Variants in PIK3C2A observed in about 807,000 individuals in gnomAD.
The protein encoded by PIK3C2A is phosphatidylinositol 4-phosphate 3-kinase C2 domain-containing subunit alpha.
PIK3C2A carries 97 observed loss-of-function variants against 204.5 expected under a neutral mutation model. That is an observed-to-expected ratio of 0.47 (90% CI 0.40 to 0.56). The LOEUF (loss-of-function observed/expected upper bound fraction) is 0.56, where lower values mean the gene tolerates loss of function less well. Ranked by LOEUF, PIK3C2A falls within the 20% of genes least tolerant of loss-of-function variation. The probability of loss-of-function intolerance (pLI) is 0.00; values close to 1 mark genes in which losing one functional copy is unlikely to be tolerated. For synonymous variants in PIK3C2A, 653 were observed against 664.4 expected, an observed-to-expected ratio of 0.98 and a Z score of 0.26; for missense variants, 1,735 against 1,969.2, an observed-to-expected ratio of 0.88 and a Z score of 2.25.
Position 17,091,324 on chromosome 11 carries a change from T to G in PIK3C2A, c.4878+10A>C. The G allele has an allele frequency of 6.2e-7, 1 of 1,602,954 alleles. No homozygotes were observed. Among genetic ancestry groups the G allele is most frequent in the Non-Finnish European group, 8.5e-7 (1 of 1,175,892 alleles). On this transcript the variant is annotated intron_variant, in intron 32 of 32. Coordinates refer to ENST00000691414, the MANE Select transcript of PIK3C2A (RefSeq NM_002645.4). ...AACCAAGGAAACTTCTAGAAATGAT[T>G]TTAACTTACCATTTCATTGAATGTC... is the stretch of plus-strand genomic sequence containing the variant.
At chr11:17,143,965 ATCCAGGGGTGTGGTTTTGT>A (rs934859205) in intron 8 of PIK3C2A, among the ~76,000 whole-genome samples, 2 of 152,060 alleles carry the variant, frequency 1.3e-5, no homozygotes, top group African/African-American at 2.4e-5. Context: ...ACAACAAAAA[ATCCAGGGGTGTGGTTTTGT>A]TAATTTTTTT....
chr11:17,101,377 T>G lies in PIK3C2A; in HGVS notation c.3909A>C (p.Glu1303Asp). Reference sequence around the variant, plus strand: ...ACAACTGAAAACGAATGGTGGGCTTTTCACCCCCATTAATGACATATGCCA... The same window carrying G: ...ACAACTGAAAACGAATGGTGGGCTTGTCACCCCCATTAATGACATATGCCA... The part of the protein sequence containing the change: ...SDMAYVINGG[E>D]KPTIRFQLFV... The change falls in exon 25 of 33, where the codon GAA becomes GAC. Residue 1303 changes from glutamate (E) to aspartate (D), a missense_variant. Coordinates refer to ENST00000691414, the MANE Select transcript of PIK3C2A (RefSeq NM_002645.4). 6.3e-7 allele frequency: 1 copy of G among 1,596,178 alleles called. No individual in the cohort carries two copies. Among genetic ancestry groups the G allele is most frequent in the Non-Finnish European group, 8.6e-7 (1 of 1,166,160 alleles).
chr11:17,094,935 C>G (rs759609894), intron 27 of PIK3C2A, among the ~76,000 whole-genome samples: 2 of 152,056 alleles, frequency 1.3e-5, no homozygotes, highest in Non-Finnish European at 2.9e-5. Context: ...CATAACCATC[C>G]TAAGATAGAT....
In PIK3C2A at chr11:17,168,692, C is replaced by T. The variant is rs762342111; in HGVS notation, c.1050G>A (p.Gln350=). The change falls in exon 2 of 33, where the codon CAG becomes CAA. Residue 350 remains glutamine, a synonymous_variant. Transcript: ENST00000691414. ...NIRTTQLAKA[Q]GHISQKDPNG... ...AAGACTATACCTGAGATATATGGCC[C>T]TGGGCTTTTGCAAGCTGAGTTGTTC... 2 of 1,584,046 alleles carry T rather than the reference C, an allele frequency of 1.3e-6. No individual in the cohort carries two copies. Among genetic ancestry groups the T allele is most frequent in the Non-Finnish European group, 8.6e-7 (1 of 1,165,828 alleles).
rs1852647251 is a variant in PIK3C2A at position 17,207,851 on chromosome 11, A to T, written c.-69T>A. On this transcript the variant is annotated 5_prime_UTR_variant, in exon 1 of 33. It removes the in-frame stop codon of an upstream open reading frame in the 5' UTR. Coordinates refer to ENST00000691414, the MANE Select transcript of PIK3C2A (RefSeq NM_002645.4). ...AGCCGCACCGACCGCTCCTCACCTCAAGCTGCCTGAGCCTCCGCCTCTACC... is the reference window on the plus strand; with the variant it reads ...AGCCGCACCGACCGCTCCTCACCTCTAGCTGCCTGAGCCTCCGCCTCTACC... The T allele has an allele frequency of 6.5e-6, 1 of 152,988 alleles. No individual in the cohort carries two copies. The highest frequency in any genetic ancestry group is 2.1e-4 in the South Asian group (1 of 4,850). The allele number at this position is 152,988 out of a possible 1,614,324, so 9.5% of individuals were successfully genotyped here. A position where few individuals can be genotyped will look rare whatever the true frequency, so the allele number is the denominator to read the frequency against.
intron 18 of PIK3C2A, among the ~76,000 whole-genome samples, chr11:17,118,408 T>C (rs1231764335): frequency 6.6e-6 from 1 of 152,128 alleles, no homozygotes; most frequent in Admixed American, 6.5e-5. Context: ...TTTTAAGCTA[T>C]ATAAGCAAGT....
intron 27 of PIK3C2A, 48 bp downstream of exon 27, chr11:17,097,008 CA>C (rs749671722): frequency 2.7e-6 from 3 of 1,096,554 alleles, no homozygotes; most frequent in East Asian, 4.7e-5. Flanking sequence ...GTAGAAAGGA[CA>C]ACAATAATAC....
rs543691608 is a variant in PIK3C2A at position 17,087,865 on chromosome 11, C to T, written c.*1873G>A. The T allele has an allele frequency of 1.3e-5, 2 of 152,256 alleles. No homozygotes were observed. The highest frequency in any genetic ancestry group is 2.1e-4 in the South Asian group (1 of 4,826). 9.4% of individuals were successfully genotyped at this position (152,256 alleles called of 1,614,324 possible). On this transcript the variant is annotated 3_prime_UTR_variant, in exon 33 of 33. Coordinates refer to ENST00000691414, the MANE Select transcript of PIK3C2A (RefSeq NM_002645.4). ...AACATTTAAAAAAGACATTCATATACCATACTCATGGGTTTAACTACATAT... is the reference window on the plus strand; with the variant it reads ...AACATTTAAAAAAGACATTCATATATCATACTCATGGGTTTAACTACATAT...
chr11:17,124,533 T>A (rs145955714), intron 13 of PIK3C2A, among the ~76,000 whole-genome samples: 39 of 151,980 alleles, frequency 2.6e-4, no homozygotes, highest in African/African-American at 8.2e-4. Context: ...CATTTGGATG[T>A]CTTTTTAAGC....
rs949864622 is a variant in PIK3C2A, at chr11:17,088,043, T to C, written c.*1695A>G. Reference sequence around the variant, plus strand: ...AAAAATTCTGTTCTGGGAAACTGAATTGGCGATTGTCCTTTCTCTCTTGGT... The same window carrying C: ...AAAAATTCTGTTCTGGGAAACTGAACTGGCGATTGTCCTTTCTCTCTTGGT... On this transcript the variant is annotated 3_prime_UTR_variant, in exon 33 of 33. Transcript: ENST00000691414. The C allele has an allele frequency of 5.9e-5, 9 of 152,306 alleles. No homozygotes were observed. Among genetic ancestry groups the C allele is most frequent in the South Asian group, 2.1e-4 (1 of 4,824 alleles). 9.4% of individuals were successfully genotyped at this position (152,306 alleles called of 1,614,324 possible).
At chr11:17,112,694 A>G in intron 20 of PIK3C2A, 28 bp from the exon 21 acceptor site, 1 of 1,199,016 alleles carries the variant, frequency 8.3e-7, no homozygotes, top group Non-Finnish European at 1.2e-6. Flanking sequence ...TAAGCATTAG[A>G]AAGATAAATG....
intron 15 of PIK3C2A, among the ~76,000 whole-genome samples, chr11:17,121,739 T>G (rs1425375676): frequency 3.3e-5 from 5 of 152,148 alleles, no homozygotes; most frequent in Admixed American, 3.3e-4. Context: ...TCTTTTCAGA[T>G]TGTTTAAAAG....
intron 1 of PIK3C2A, among the ~76,000 whole-genome samples, chr11:17,203,495 A>C (rs1348873923): frequency 1.3e-5 from 2 of 152,318 alleles, no homozygotes; most frequent in East Asian, 3.9e-4. Context: ...CCTATGAACA[A>C]CCTGAAAGAT....
chr11:17,194,189 G>C (rs1852058046), intron 1 of PIK3C2A: 1 of 512,794 alleles, frequency 2.0e-6, no homozygotes, highest in African/African-American at 2.0e-5. Flanking sequence ...CAAGGGGCTT[G>C]GGTTGTGCCG....
intron 18 of PIK3C2A, 98 bp downstream of exon 18, chr11:17,118,547 C>G (rs1849276840): frequency 1.6e-6 from 1 of 627,912 alleles, no homozygotes; most frequent in South Asian, 2.2e-5. Context: ...CTTGTATCCA[C>G]AATAAGTAGT....
rs1158827602 is a variant in PIK3C2A, at chr11:17,088,559, G to T, written c.*1179C>A. ...GCCCGGCCGAATCTTATTCTTACTG[G>T]TTACTGTAGAATAATTTCAGTCCTG... is the stretch of plus-strand genomic sequence containing the variant. On this transcript the variant is annotated 3_prime_UTR_variant, in exon 33 of 33. Coordinates refer to ENST00000691414, the MANE Select transcript of PIK3C2A (RefSeq NM_002645.4). 1 of 152,120 alleles carries T rather than the reference G, an allele frequency of 6.6e-6. No homozygotes were observed. Among genetic ancestry groups the T allele is most frequent in the Admixed American group, 6.6e-5 (1 of 15,258 alleles). The allele number at this position is 152,120 out of a possible 1,614,324, so 9.4% of individuals were successfully genotyped here.
At chr11:17,145,395 T>A (rs571450267) in intron 8 of PIK3C2A, among the ~76,000 whole-genome samples, 10 of 152,180 alleles carry the variant, frequency 6.6e-5, no homozygotes, top group African/African-American at 2.4e-4. Context: ...TTTCATGAGA[T>A]CTGACGATTT....
rs1851050606 is a variant in PIK3C2A, at chr11:17,168,602, A to AACAAAG, written c.1065+74_1065+75insCTTTGT. The AACAAAG allele has an allele frequency of 5.4e-6, 6 of 1,117,796 alleles. No individual in the cohort carries two copies. The African/African-American group carries it at 9.5e-5, about 18-fold the overall frequency. 69.2% of individuals were successfully genotyped at this position (1,117,796 alleles called of 1,614,324 possible). On this transcript the variant is annotated intron_variant, in intron 2 of 32. Coordinates refer to ENST00000691414, the MANE Select transcript of PIK3C2A (RefSeq NM_002645.4). ...TCTTAAAAACAAAAACAAAAACAAAAAAACACAAATTATGTACACAAATAT... is the reference window on the plus strand; with the variant it reads ...TCTTAAAAACAAAAACAAAAACAAAAACAAAGAAACACAAATTATGTACACAAATAT...
In PIK3C2A at chr11:17,122,722, T is replaced by A; in HGVS notation, c.2491A>T (p.Met831Leu). 1 of 1,472,510 alleles carries A rather than the reference T, an allele frequency of 6.8e-7. No individual in the cohort carries two copies. The highest frequency in any genetic ancestry group is 9.5e-7 in the Non-Finnish European group (1 of 1,054,642). The allele number at this position is 1,472,510 out of a possible 1,614,324, so 91.2% of individuals were successfully genotyped here. The part of the protein sequence containing the change: ...PGTVTKKGYV[M>L]ERIVLQVDFP... ...ATTACCTGTAGCACTATTCTTTCCA[T>A]GACATATCCTTTTTTGGTAACTGTT... Residue 831 changes from methionine (M) to leucine (L), a missense_variant, in exon 14 of 33, where the codon ATG (methionine) becomes TTG (leucine). Physicochemically the swap from Met to Leu is conservative, Grantham distance 15. Around this residue, in one of 6 missense-constraint regions of PIK3C2A, gnomAD observed 567 missense variants for 576.0 expected, o/e 0.98. Coordinates refer to ENST00000691414, the MANE Select transcript of PIK3C2A (RefSeq NM_002645.4).
Sources: allele counts gnomAD v4.1 joint callset (sites outside exome capture counted in the v4.1 genomes callset), GRCh38; gene constraint gnomAD v4.1.1; regional missense constraint gnomAD v4.1.1; transcripts MANE v1.5; gene names NCBI Gene and HGNC (gene_info 2026-07-23, HGNC 2026-07-21).